The following MRS2 variants were observed in gnomAD, a reference collection of about 807,000 sequenced individuals.
MRS2 encodes magnesium transporter MRS2, also known as magnesium transporter MRS2 homolog, mitochondrial.
In MRS2, 40 loss-of-function variants were observed where a neutral mutation model predicts 52.6. The observed-to-expected ratio is 0.76, with a 90% confidence interval of 0.59 to 0.99. The LOEUF (loss-of-function observed/expected upper bound fraction) is 0.99, where lower values mean the gene tolerates loss of function less well. Ranked by LOEUF, MRS2 falls within the 50% of genes least tolerant of loss-of-function variation. MRS2 has a pLI of 0.00. For synonymous variants in MRS2, 193 were observed against 195.9 expected, an observed-to-expected ratio of 0.98 and a Z score of 0.13; for missense variants, 472 against 532.7, an observed-to-expected ratio of 0.89 and a Z score of 1.12.
intron 6 of MRS2, among the ~76,000 whole-genome samples, chr6:24,415,492 G>T (rs1291474582): frequency 3.3e-5 from 5 of 152,126 alleles, no homozygotes; most frequent in Non-Finnish European, 2.9e-5. Context: ...CAAAGTCCAT[G>T]TTGTTCTTTT....
intron 2 of MRS2, among the ~76,000 whole-genome samples, chr6:24,406,701 G>A (rs1761487424): frequency 6.6e-6 from 1 of 152,192 alleles, no homozygotes; most frequent in Non-Finnish European, 1.5e-5. Flanking sequence ...CTTGAACCTG[G>A]GAGGTGGAGG....
chr6:24,404,596 T>G (rs1200923936), intron 1 of MRS2, among the ~76,000 whole-genome samples: 1 of 151,968 alleles, frequency 6.6e-6, no homozygotes, highest in Non-Finnish European at 1.5e-5. Flanking sequence ...AATCACGTTT[T>G]AAATAGACAA....
chr6:24,404,015 C>G (rs1397628211), intron 1 of MRS2, among the ~76,000 whole-genome samples: 4 of 152,150 alleles, frequency 2.6e-5, no homozygotes, highest in African/African-American at 9.7e-5. Context: ...AAGATTTTCA[C>G]AAATGTGAGT....
intron 7 of MRS2, among the ~76,000 whole-genome samples, chr6:24,416,872 C>A (rs112239047): frequency 6.6e-6 from 1 of 152,046 alleles, no homozygotes; most frequent in African/African-American, 2.4e-5. Context: ...GGTAAATACA[C>A]GAGTAACACA....
chr6:24,413,610 G>A (rs1385067038), intron 5 of MRS2, among the ~76,000 whole-genome samples: 3 of 152,136 alleles, frequency 2.0e-5, no homozygotes, highest in Non-Finnish European at 4.4e-5. Context: ...TAAAAGATGT[G>A]GTCTGCCTAT....
intron 2 of MRS2, among the ~76,000 whole-genome samples, chr6:24,407,869 A>T (rs551137685): frequency 6.6e-6 from 1 of 152,144 alleles, no homozygotes; most frequent in African/African-American, 2.4e-5. Flanking sequence ...TGACAAGGAG[A>T]TAAGATTCTC....
intron 1 of MRS2, among the ~76,000 whole-genome samples, chr6:24,404,690 A>G (rs1174380840): frequency 6.6e-6 from 1 of 152,248 alleles, no homozygotes; most frequent in Non-Finnish European, 1.5e-5. Context: ...GAAAAGAAGT[A>G]AAATCATAGG....
intron 8 of MRS2, 78 bp from the exon 9 acceptor site, chr6:24,418,383 T>C: frequency 1.3e-6 from 2 of 1,566,192 alleles, no homozygotes; most frequent in Admixed American, 4.0e-5. Context: ...TTCATCCATG[T>C]GGTCTGTATA....
In MRS2 at chr6:24,415,016, G is replaced by A; in HGVS notation, c.589-17G>A. The A allele has an allele frequency of 6.4e-7, 1 of 1,574,398 alleles. No homozygotes were observed. The highest frequency in any genetic ancestry group is 8.7e-7 in the Non-Finnish European group (1 of 1,152,846). ...AAGATTGTTTTAATTCTTATGAAAGGTCATGTTGTTATCTAGATCAACACC... is the reference window on the plus strand; with the variant it reads ...AAGATTGTTTTAATTCTTATGAAAGATCATGTTGTTATCTAGATCAACACC... On this transcript the variant is annotated splice_polypyrimidine_tract_variant and intron_variant, in intron 5 of 10. Transcript: ENST00000378386.
At chr6:24,410,888 G>T (rs114711024) in intron 4 of MRS2, 10,684 of 716,712 alleles carry the variant, frequency 0.015, 133 homozygotes, top group South Asian at 0.042. Context: ...CAACTTTTCT[G>T]TATAAAAATT....
chr6:24,421,148 C>T (rs1296964796), intron 9 of MRS2, among the ~76,000 whole-genome samples: 3 of 152,194 alleles, frequency 2.0e-5, no homozygotes, highest in Non-Finnish European at 4.4e-5. Flanking sequence ...TATATATACT[C>T]AATCTACAAG....
Position 24,415,085 on chromosome 6 carries a change from C to G in MRS2, c.641C>G (p.Thr214Ser). The change falls in exon 6 of 11, where the codon ACC becomes AGC. Residue 214 changes from threonine to serine, a missense_variant. By Grantham distance (58) the Thr-to-Ser change is moderately conservative. Coordinates refer to ENST00000378386, the MANE Select transcript of MRS2 (RefSeq NM_020662.4). ...ATTTTGCAGCCACTGATCCTTGAGA[C>G]CTTGGATGCTTTGGTGGACCCCAAA... ...LSILQPLILE[T>S]LDALVDPKHS... 6.2e-7 allele frequency: 1 copy of G among 1,611,868 alleles called. No individual in the cohort carries two copies. The highest frequency in any genetic ancestry group is 8.5e-7 in the Non-Finnish European group (1 of 1,178,362).
intron 6 of MRS2, 95 bp from the exon 7 acceptor site, chr6:24,416,297 TATAAG>T (rs1761845701): frequency 7.0e-6 from 4 of 575,298 alleles, no homozygotes; most frequent in Non-Finnish European, 1.2e-5. Context: ...AGCATGAATG[TATAAG>T]ATAATATATT....
At position 24,409,479 on chromosome 6, in the gene MRS2, T is replaced by C. The variant is rs1212893479; in HGVS notation, c.320T>C (p.Leu107Ser). The C allele has an allele frequency of 1.2e-6, 2 of 1,606,426 alleles. No homozygotes were observed. Among genetic ancestry groups the C allele is most frequent in the East Asian group, 2.2e-5 (1 of 44,662 alleles). Residue 107 changes from leucine (L) to serine (S), a missense_variant, in exon 4 of 11, where the codon TTA becomes TCA. Coordinates refer to ENST00000378386, the MANE Select transcript of MRS2 (RefSeq NM_020662.4). Reference protein sequence around the residue: ...VTSFERKKTELYQELGLQARD... With the variant: ...VTSFERKKTESYQELGLQARD... The stretch of plus-strand genomic sequence containing the variant: ...TTTATAGAAAGGAAGAAAACTGAAT[T>C]ATACCAAGAGTTAGGTCTTCAAGCC...
intron 4 of MRS2, 29 bp downstream of exon 4, chr6:24,409,602 C>A: frequency 7.4e-7 from 1 of 1,344,502 alleles, no homozygotes. Flanking sequence ...ATCTATGTTT[C>A]TCCAATACAA....
chr6:24,404,816 T>C (rs1044518620), intron 1 of MRS2, among the ~76,000 whole-genome samples: 1 of 152,224 alleles, frequency 6.6e-6, no homozygotes, highest in African/African-American at 2.4e-5. Context: ...TTTTAAATTA[T>C]GCGAAAAGGA....
chr6:24,413,092 C>T (rs9467136), intron 5 of MRS2, among the ~76,000 whole-genome samples: 8,985 of 152,030 alleles, frequency 0.059, 601 homozygotes, highest in African/African-American at 0.17. Flanking sequence ...TAGCACCAGC[C>T]AGTGAGATGA....
intron 9 of MRS2, among the ~76,000 whole-genome samples, chr6:24,421,549 A>G (rs1316891279): frequency 6.6e-6 from 1 of 151,548 alleles, no homozygotes; most frequent in Non-Finnish European, 1.5e-5. Context: ...AGAATAGTCA[A>G]AGAATTTCCA....
intron 7 of MRS2, 147 bp downstream of exon 7, chr6:24,416,660 T>G: frequency 1.5e-6 from 1 of 646,254 alleles, no homozygotes; most frequent in South Asian, 1.9e-5. Flanking sequence ...CCTTTTTTCC[T>G]GTGCAGTATC....
Sources: gnomAD v4.1 joint callset for allele counts (sites outside exome capture counted in the v4.1 genomes callset) on GRCh38, gnomAD v4.1.1 for gene constraint, MANE v1.5 for transcripts, NCBI Gene and HGNC (gene_info 2026-07-23, HGNC 2026-07-21) for gene names.